VDAC1: variants seen among roughly 807,000 people sequenced by gnomAD.
VDAC1 encodes the protein non-selective voltage-gated ion channel VDAC1.
In VDAC1, 10 loss-of-function variants were observed where a neutral mutation model predicts 34.7. The ratio of observed to expected loss-of-function variants is 0.29; its 90% CI spans 0.18 to 0.49. The LOEUF (loss-of-function observed/expected upper bound fraction) is 0.49, where lower values mean the gene tolerates loss of function less well. Ranked by LOEUF, VDAC1 falls within the 20% of genes least tolerant of loss-of-function variation. The pLI is 0.99. For synonymous variants in VDAC1, 130 were observed against 136.0 expected, an observed-to-expected ratio of 0.96 and a Z score of 0.30; for missense variants, 230 against 347.9, an observed-to-expected ratio of 0.66 and a Z score of 2.69.
At chr5:134,033,451 CG>C in the VDAC1 span, among the ~76,000 whole-genome samples, 1 of 151,774 alleles carries the variant, frequency 6.6e-6, no homozygotes, top group East Asian at 2.0e-4. Context: ...CCACCGCACC[CG>C]GCCACGGAGA....
the VDAC1 span, among the ~76,000 whole-genome samples, chr5:134,036,322 C>G: frequency 4.6e-5 from 7 of 152,088 alleles, no homozygotes; most frequent in Non-Finnish European, 8.8e-5. Flanking sequence ...TGTGGTATTT[C>G]TGCTAAAATG....
intron 7 of VDAC1, among the ~76,000 whole-genome samples, chr5:133,974,464 C>CG (rs925759282): frequency 6.6e-6 from 1 of 151,906 alleles, no homozygotes; most frequent in African/African-American, 2.4e-5. Flanking sequence ...TGAGGCGGGG[C>CG]GGGGGGAATT....
At chr5:133,987,171 A>G (rs1397721468) in intron 5 of VDAC1, among the ~76,000 whole-genome samples, 3 of 151,618 alleles carry the variant, frequency 2.0e-5, no homozygotes, top group African/African-American at 7.3e-5. Flanking sequence ...GACCAGACTG[A>G]GCAACATGGT....
chr5:133,998,413 G>A (rs1456878512), intron 1 of VDAC1, among the ~76,000 whole-genome samples: 2 of 152,228 alleles, frequency 1.3e-5, no homozygotes, highest in Admixed American at 1.3e-4. Context: ...GTAAGTGCCT[G>A]TAATCCCAGC....
the VDAC1 span, among the ~76,000 whole-genome samples, chr5:134,039,530 C>A: frequency 6.6e-6 from 1 of 151,858 alleles, no homozygotes. Context: ...GGGGTTTCAC[C>A]GTGTTAGCCA....
chr5:134,104,033 G>A, the VDAC1 span, among the ~76,000 whole-genome samples: 6 of 145,156 alleles, frequency 4.1e-5, no homozygotes, highest in South Asian at 7.0e-4. Flanking sequence ...GGACCCACCC[G>A]GCCCACCCTG....
the VDAC1 span, among the ~76,000 whole-genome samples, chr5:134,056,017 T>C: frequency 2.0e-5 from 3 of 151,836 alleles, no homozygotes; most frequent in Admixed American, 2.0e-4. Flanking sequence ...GGCAGGTGAA[T>C]CACCTGAGGT....
At chr5:134,061,353 C>G in the VDAC1 span, among the ~76,000 whole-genome samples, 4 of 151,448 alleles carry the variant, frequency 2.6e-5, no homozygotes, top group Non-Finnish European at 5.9e-5. Flanking sequence ...TCAAACAGCT[C>G]ACTTGTAAAG....
At chr5:134,030,177 C>T in the VDAC1 span, among the ~76,000 whole-genome samples, 1 of 151,950 alleles carries the variant, frequency 6.6e-6, no homozygotes, top group Admixed American at 6.6e-5. Flanking sequence ...CCTATCTCTA[C>T]TAAAAACACA....
intron 5 of VDAC1, among the ~76,000 whole-genome samples, chr5:133,990,314 C>T (rs1231114098): frequency 6.6e-6 from 1 of 152,188 alleles, no homozygotes; most frequent in Non-Finnish European, 1.5e-5. Context: ...AGAAATGAGG[C>T]TGGCAACAGT....
the VDAC1 span, among the ~76,000 whole-genome samples, chr5:134,055,766 T>C: frequency 1.3e-5 from 2 of 149,300 alleles, no homozygotes; most frequent in African/African-American, 5.0e-5. Flanking sequence ...TCTTTAAAAG[T>C]AAATACATGC....
At chr5:134,025,420 G>T in the VDAC1 span, among the ~76,000 whole-genome samples, 1 of 152,028 alleles carries the variant, frequency 6.6e-6, no homozygotes, top group African/African-American at 2.4e-5. Context: ...ACTGGGACTC[G>T]CACGTCAACA....
the VDAC1 span, among the ~76,000 whole-genome samples, chr5:134,036,286 G>A: frequency 1.3e-5 from 2 of 151,986 alleles, no homozygotes; most frequent in Non-Finnish European, 2.9e-5. Context: ...TCCTGATACC[G>A]TCCTCTGAGA....
chr5:134,098,600 T>C, the VDAC1 span, among the ~76,000 whole-genome samples: 2 of 152,210 alleles, frequency 1.3e-5, no homozygotes, highest in Non-Finnish European at 1.5e-5. Flanking sequence ...GGACAGGTGG[T>C]GGTGTCCTGG....
At chr5:134,102,041 G>A in the VDAC1 span, among the ~76,000 whole-genome samples, 4 of 152,186 alleles carry the variant, frequency 2.6e-5, no homozygotes, top group Admixed American at 6.5e-5. Flanking sequence ...ACTATTCAGC[G>A]GCAGCAGCTG....
the VDAC1 span, among the ~76,000 whole-genome samples, chr5:134,110,653 C>T: frequency 1.1e-4 from 17 of 152,244 alleles, no homozygotes; most frequent in South Asian, 2.1e-4. Context: ...AGCCTCCCGG[C>T]GGCTTTGGGC....
At chr5:134,068,274 A>G in the VDAC1 span, among the ~76,000 whole-genome samples, 1 of 151,804 alleles carries the variant, frequency 6.6e-6, no homozygotes, top group Admixed American at 6.6e-5. Context: ...GGATTATGAG[A>G]TTTACCCAAC....
At chr5:134,096,707 C>A in the VDAC1 span, among the ~76,000 whole-genome samples, 1 of 152,300 alleles carries the variant, frequency 6.6e-6, no homozygotes, top group South Asian at 2.1e-4. Context: ...GATCCTCCCA[C>A]CTCAGCCTCC....
the VDAC1 span, among the ~76,000 whole-genome samples, chr5:134,112,415 G>C: frequency 2.0e-5 from 3 of 152,214 alleles, no homozygotes; most frequent in Non-Finnish European, 2.9e-5. Context: ...CAAGCCTTCA[G>C]ACTGATTTCA....
Sources: gnomAD v4.1 joint callset for allele counts (sites outside exome capture counted in the v4.1 genomes callset) on GRCh38, gnomAD v4.1.1 for gene constraint, MANE v1.5 for transcripts, NCBI Gene and HGNC (gene_info 2026-07-23, HGNC 2026-07-21) for gene names.